Variants in GSN observed in about 807,000 individuals in gnomAD.
The protein encoded by GSN is actin-depolymerizing factor.
In GSN, 56 loss-of-function variants were observed where a neutral mutation model predicts 85.7. The ratio of observed to expected loss-of-function variants is 0.65; its 90% CI spans 0.53 to 0.82. The LOEUF (loss-of-function observed/expected upper bound fraction) is 0.82, where lower values mean the gene tolerates loss of function less well. GSN is among the 40% of genes least tolerant of loss of function. The pLI is 0.00. For missense variants in GSN, 857 were observed against 979.8 expected, an observed-to-expected ratio of 0.87 and a Z score of 1.67; for synonymous variants, 373 against 399.1, an observed-to-expected ratio of 0.93 and a Z score of 0.78.
chr9:121,301,625 C>CAAAAAAA (rs753963979), intron 2 of GSN, among the ~76,000 whole-genome samples: 3 of 55,964 alleles, frequency 5.4e-5, no homozygotes, highest in Admixed American at 1.7e-4. Flanking sequence ...GACTCTGTCT[C>CAAAAAAA]AAAAAAAAAA....
chr9:121,268,538 G>A (rs1447625184), intron 1 of GSN, among the ~76,000 whole-genome samples: 1 of 152,086 alleles, frequency 6.6e-6, no homozygotes, highest in Non-Finnish European at 1.5e-5. Context: ...GAACTGGCCC[G>A]GGGTCACCCC....
rs867204881 is a variant in GSN, at chr9:121,318,020, C to T, written c.887-386C>T. ...GGGAATGCCCTCAGGGTGGCAGCTTCTCACTCACTGAGTAACCTAGGTCAA... is the reference window on the plus strand; with the variant it reads ...GGGAATGCCCTCAGGGTGGCAGCTTTTCACTCACTGAGTAACCTAGGTCAA... On this transcript the variant is annotated intron_variant, in intron 8 of 17. Coordinates refer to ENST00000432226, the MANE Select transcript of GSN (RefSeq NM_198252.3). The surrounding 1 kb of genome is among the most constrained non-coding windows in gnomAD (Gnocchi z 4.3). 31 of 287,448 alleles carry T rather than the reference C, an allele frequency of 1.1e-4. No individual in the cohort carries two copies. The highest frequency in any genetic ancestry group is 3.9e-4 in the African/African-American group (18 of 45,870). 17.8% of individuals were successfully genotyped at this position (287,448 alleles called of 1,614,324 possible).
intron 6 of GSN, among the ~76,000 whole-genome samples, chr9:121,249,928 G>T (rs562506350): frequency 3.9e-5 from 6 of 152,284 alleles, no homozygotes; most frequent in East Asian, 3.9e-4. Flanking sequence ...AAAAAAGCTG[G>T]TTTTTTAGTG....
At chr9:121,222,500 T>C (rs2054188135) in intron 4 of GSN, among the ~76,000 whole-genome samples, 1 of 152,010 alleles carries the variant, frequency 6.6e-6, no homozygotes, top group African/African-American at 2.4e-5. Flanking sequence ...GAAAAATTGG[T>C]TATTATTTTT....
chr9:121,203,207 G>C (rs369075668), upstream of GSN: 3 of 152,246 alleles, frequency 2.0e-5, no homozygotes, highest in African/African-American at 7.2e-5. Context: ...GCTGAGGAGA[G>C]AGGATCGCTT....
At chr9:121,328,059 A>G (rs1325527221) in intron 14 of GSN, among the ~76,000 whole-genome samples, 2 of 149,984 alleles carry the variant, frequency 1.3e-5, no homozygotes, top group Admixed American at 6.6e-5. Context: ...CTCGCTAGGA[A>G]GCCTTGAAAG....
chr9:121,208,965 A>G (rs1367828687), intron 1 of GSN, among the ~76,000 whole-genome samples: 1 of 152,250 alleles, frequency 6.6e-6, no homozygotes, highest in African/African-American at 2.4e-5. Flanking sequence ...TTCCCTTAGG[A>G]TGCCCATTTG....
intron 2 of GSN, among the ~76,000 whole-genome samples, chr9:121,295,601 G>A (rs2059135644): frequency 6.6e-6 from 1 of 152,202 alleles, no homozygotes; most frequent in Admixed American, 6.5e-5. Context: ...CTGGTCTCTG[G>A]TAGGGGGTCC....
At chr9:121,252,819 AT>A (rs1261056553) in intron 6 of GSN, among the ~76,000 whole-genome samples, 1 of 152,236 alleles carries the variant, frequency 6.6e-6, no homozygotes, top group Non-Finnish European at 1.5e-5. Flanking sequence ...TTACTATAAT[AT>A]AACCTAACTT....
chr9:121,251,486 C>G (rs1356463732), intron 6 of GSN, among the ~76,000 whole-genome samples: 1 of 151,818 alleles, frequency 6.6e-6, no homozygotes, highest in Non-Finnish European at 1.5e-5. Flanking sequence ...CGTGAGCTAC[C>G]GTGCCCAGCC....
intron 4 of GSN, among the ~76,000 whole-genome samples, chr9:121,212,505 A>G (rs2053986049): frequency 1.3e-5 from 2 of 152,212 alleles, no homozygotes; most frequent in African/African-American, 4.8e-5. Context: ...ACAGCCTTCA[A>G]GGTTGACTCT....
intron 2 of GSN, among the ~76,000 whole-genome samples, chr9:121,288,495 C>T (rs982583900): frequency 4.6e-5 from 7 of 152,218 alleles, no homozygotes; most frequent in Non-Finnish European, 1.0e-4. Flanking sequence ...TTAAAGCACT[C>T]ACTCTGTGCC....
intron 4 of GSN, among the ~76,000 whole-genome samples, chr9:121,226,025 G>A (rs182054375): frequency 2.6e-5 from 4 of 152,228 alleles, no homozygotes; most frequent in East Asian, 3.9e-4. Flanking sequence ...GGCTGGTCTC[G>A]AACTCCTGAC....
At chr9:121,314,155 C>T in intron 7 of GSN, 132 bp downstream of exon 7, 1 of 740,666 alleles carries the variant, frequency 1.4e-6, no homozygotes, top group South Asian at 1.5e-5. Context: ...AGCTTTCTCA[C>T]GTCTCCAGTG....
chr9:121,210,530 T>G (rs1278761163), intron 3 of GSN, among the ~76,000 whole-genome samples: 2 of 152,210 alleles, frequency 1.3e-5, no homozygotes, highest in Non-Finnish European at 2.9e-5. Context: ...AGACAGCCAC[T>G]GAGAGCTGCT....
Position 121,250,541 on chromosome 9 carries a change from G to A in GSN, c.-341+2218G>A, listed in dbSNP as rs1461958846. Among the ~76,000 whole-genome samples, 3 of 151,876 alleles carry A rather than the reference G, an allele frequency of 2.0e-5. No homozygotes were observed. The East Asian group carries it at 5.8e-4, about 29-fold the overall frequency. The stretch of plus-strand genomic sequence containing the variant: ...TTGGCTTATCACACCTGTTTGGTGT[G>A]TGTGTGTGTGCTTTGAGATAGGGTC... On this transcript the variant is annotated intron_variant, in intron 6 of 24. Transcript: ENST00000373823.
In GSN at chr9:121,318,960, G is replaced by A. The variant is rs575145640; in HGVS notation, c.1191+80G>A. ...GCACTGCCTCTTGCTTCCCCAAGGA[G>A]GTTTCTCTCTGAGGTTTGCACAACT... On this transcript the variant is annotated intron_variant, in intron 10 of 17. Transcript: ENST00000432226. The surrounding 1 kb of genome is among the most constrained non-coding windows in gnomAD (Gnocchi z 4.3). 10 of 1,186,144 alleles carry A rather than the reference G, an allele frequency of 8.4e-6. No individual in the cohort carries two copies. The African/African-American group carries it at 1.3e-4, about 16-fold the overall frequency. 73.5% of individuals were successfully genotyped at this position (1,186,144 alleles called of 1,614,324 possible). A position where few individuals can be genotyped will look rare whatever the true frequency, so the allele number is the denominator to read the frequency against.
chr9:121,280,105 G>T (rs183175755), intron 1 of GSN: 2 of 152,346 alleles, frequency 1.3e-5, no homozygotes. Flanking sequence ...GAGCCTGCAC[G>T]GCCCTGCCAT....
At chr9:121,330,952 G>A (rs1299320804) in intron 16 of GSN, among the ~76,000 whole-genome samples, 1 of 152,168 alleles carries the variant, frequency 6.6e-6, no homozygotes, top group Non-Finnish European at 1.5e-5. Flanking sequence ...ATGCCTGATG[G>A]TACCTGGTTG....
Sources: gnomAD v4.1 joint callset for allele counts (sites outside exome capture counted in the v4.1 genomes callset) on GRCh38, gnomAD v4.1.1 for gene constraint, Gnocchi (gnomAD v3.1) non-coding constraint, MANE v1.5 for transcripts, NCBI Gene and HGNC (gene_info 2026-07-23, HGNC 2026-07-21) for gene names.